The following VAV2 variants were observed in gnomAD, a reference collection of about 807,000 sequenced individuals.
VAV2 encodes the protein guanine nucleotide exchange factor VAV2.
In VAV2, 67 loss-of-function variants were observed where a neutral mutation model predicts 132.5. The ratio of observed to expected loss-of-function variants is 0.51; its 90% CI spans 0.42 to 0.62. The LOEUF is 0.62. Among genes scored for constraint, VAV2 ranks in the 20% least tolerant of loss-of-function variants. The pLI is 0.00. For missense variants in VAV2, 938 were observed against 1,153.6 expected, an observed-to-expected ratio of 0.81 and a Z score of 2.71; for synonymous variants, 492 against 443.5, an observed-to-expected ratio of 1.11 and a Z score of -1.37.
At chr9:133,917,054 C>T (rs1240184471) in intron 2 of VAV2, among the ~76,000 whole-genome samples, 1 of 152,238 alleles carries the variant, frequency 6.6e-6, no homozygotes, top group Non-Finnish European at 1.5e-5. Flanking sequence ...GTACATCCCA[C>T]CCTGGGTTTT....
intron 2 of VAV2, among the ~76,000 whole-genome samples, chr9:133,874,978 G>A (rs1478557452): frequency 6.6e-6 from 1 of 152,182 alleles, no homozygotes; most frequent in Non-Finnish European, 1.5e-5. Context: ...CTAGAAATGG[G>A]TGCGTCTCAT....
intron 2 of VAV2, among the ~76,000 whole-genome samples, chr9:133,876,374 T>C (rs180921224): frequency 6.6e-5 from 10 of 152,314 alleles, no homozygotes; most frequent in African/African-American, 2.2e-4. Context: ...ACAAGAGTGG[T>C]AGGGGGCAAG....
intron 19 of VAV2, among the ~76,000 whole-genome samples, chr9:133,781,090 G>A (rs1833992121): frequency 6.6e-6 from 1 of 152,144 alleles, no homozygotes; most frequent in Non-Finnish European, 1.5e-5. Context: ...GCTTAGTGAT[G>A]CCTGCTGGGG....
At position 133,833,955 on chromosome 9, in the gene VAV2, G is replaced by A. The variant is rs1222222334; in HGVS notation, c.449+317C>T. 2.0e-5 allele frequency among the ~76,000 whole-genome samples: 3 copies of A among 152,202 alleles called. No individual in the cohort carries two copies. Among genetic ancestry groups the A allele is most frequent in the Non-Finnish European group, 2.9e-5 (2 of 68,034 alleles). ...CCTCTCTGCCCCACAGCTTCGCAGA[G>A]ACAAGCCCTCATGGAGGACCCTGCT... On this transcript the variant is annotated intron_variant, in intron 4 of 29. Transcript: ENST00000371850. The surrounding 1 kb of genome is among the most constrained non-coding windows in gnomAD (Gnocchi z 5.6).
intron 1 of VAV2, among the ~76,000 whole-genome samples, chr9:133,990,586 G>A (rs986918931): frequency 6.6e-5 from 10 of 152,176 alleles, no homozygotes; most frequent in African/African-American, 2.4e-4. Context: ...AATCCTGCCC[G>A]AGCAAGTCAG....
chr9:133,815,780 G>T (rs1795305503), intron 4 of VAV2, among the ~76,000 whole-genome samples: 1 of 152,054 alleles, frequency 6.6e-6, no homozygotes, highest in South Asian at 2.1e-4. Flanking sequence ...TTGTGTGTGT[G>T]CGTGTGTATG....
At chr9:133,909,001 G>A (rs933212043) in intron 2 of VAV2, among the ~76,000 whole-genome samples, 1 of 152,194 alleles carries the variant, frequency 6.6e-6, no homozygotes, top group East Asian at 1.9e-4. Context: ...GGAATGATTG[G>A]GAATGAACCT....
intron 1 of VAV2, among the ~76,000 whole-genome samples, chr9:133,982,456 G>A (rs969164702): frequency 2.1e-5 from 3 of 143,730 alleles, no homozygotes; most frequent in African/African-American, 7.7e-5. Context: ...GGCAGACTCT[G>A]GCTGGCAGGG....
At chr9:133,848,423 C>A (rs62576548) in intron 3 of VAV2, among the ~76,000 whole-genome samples, 1 of 152,100 alleles carries the variant, frequency 6.6e-6, no homozygotes, top group Non-Finnish European at 1.5e-5. Flanking sequence ...TCCTTTGTGT[C>A]CTAAGAGTTA....
intron 1 of VAV2, among the ~76,000 whole-genome samples, chr9:133,972,740 C>T (rs1349895939): frequency 6.6e-6 from 1 of 152,170 alleles, no homozygotes; most frequent in Non-Finnish European, 1.5e-5. Context: ...CAGACACCCG[C>T]CCAAGCCCTC....
intron 12 of VAV2, among the ~76,000 whole-genome samples, chr9:133,792,359 A>G (rs1424798086): frequency 1.3e-4 from 16 of 123,452 alleles, no homozygotes; most frequent in East Asian, 5.3e-4. Flanking sequence ...GGTGGGGTGC[A>G]TGTGTGTGTG....
intron 5 of VAV2, among the ~76,000 whole-genome samples, chr9:133,811,260 T>C (rs536341051): frequency 6.2e-4 from 94 of 152,312 alleles, no homozygotes; most frequent in African/African-American, 2.0e-3. Context: ...CACCTGCCTG[T>C]CTCTCCCAGC....
In VAV2 at chr9:133,939,449, CTCCACA is replaced by C; in HGVS notation, c.205-236_205-231del. The C allele has an allele frequency of 1.4e-5, 8 of 583,666 alleles. No homozygotes were observed. The South Asian group carries it at 1.6e-4, about 12-fold the overall frequency. The allele number at this position is 583,666 out of a possible 1,614,324, so 36.2% of individuals were successfully genotyped here. A position where few individuals can be genotyped will look rare whatever the true frequency, so the allele number is the denominator to read the frequency against. The stretch of plus-strand genomic sequence containing the variant: ...ATGGAAGTGGAAGCAGGCAGACCAG[CTCCACA>C]TCCGAGGGTGTAGCCACCACCGCCC... On this transcript the variant is annotated intron_variant, in intron 1 of 29. Transcript: ENST00000371850.
rs755467933 is a variant in VAV2, at chr9:133,780,076, G to A, written c.1741-137C>T. 8 of 1,204,470 alleles carry A rather than the reference G, an allele frequency of 6.6e-6. No individual in the cohort carries two copies. The Admixed American group carries it at 1.3e-4, about 20-fold the overall frequency. The allele number at this position is 1,204,470 out of a possible 1,614,324, so 74.6% of individuals were successfully genotyped here. ...TCAAGGCAGGAGCAGGGGAGGAGAG[G>A]GACACTGTTCCCTATGGGACGCCCC... On this transcript the variant is annotated intron_variant, in intron 20 of 29. Coordinates refer to ENST00000371850, the MANE Select transcript of VAV2 (RefSeq NM_001134398.2).
chr9:133,975,629 C>T (rs1166639320), intron 1 of VAV2, among the ~76,000 whole-genome samples: 1 of 152,078 alleles, frequency 6.6e-6, no homozygotes, highest in Non-Finnish European at 1.5e-5. Context: ...AGTCTAGCTC[C>T]CTCCAAAGTC....
At chr9:133,932,198 G>C (rs1345454752) in intron 2 of VAV2, among the ~76,000 whole-genome samples, 1 of 152,166 alleles carries the variant, frequency 6.6e-6, no homozygotes, top group African/African-American at 2.4e-5. Context: ...CGACCCATGG[G>C]CTTCTCCACA....
At chr9:133,934,223 C>T (rs1343749784) in intron 2 of VAV2, among the ~76,000 whole-genome samples, 5 of 152,154 alleles carry the variant, frequency 3.3e-5, no homozygotes, top group East Asian at 1.9e-4. Context: ...CTTGGGGAGC[C>T]GGGAGGCAGC....
chr9:133,938,530 T>C (rs1480156252), intron 2 of VAV2, among the ~76,000 whole-genome samples: 1 of 151,968 alleles, frequency 6.6e-6, no homozygotes, highest in African/African-American at 2.4e-5. Context: ...ACTGGTGCCA[T>C]GTGAGGCTTC....
intron 2 of VAV2, among the ~76,000 whole-genome samples, chr9:133,877,924 C>A (rs748439036): frequency 7.9e-5 from 12 of 152,190 alleles, no homozygotes; most frequent in Non-Finnish European, 1.8e-4. Flanking sequence ...CAGGAAGGTG[C>A]GTGAATCTCC....
Sources: gnomAD v4.1 joint callset for allele counts (sites outside exome capture counted in the v4.1 genomes callset) on GRCh38, gnomAD v4.1.1 for gene constraint, Gnocchi (gnomAD v3.1) non-coding constraint, MANE v1.5 for transcripts, NCBI Gene and HGNC (gene_info 2026-07-23, HGNC 2026-07-21) for gene names.